Variants in TBCK observed in about 807,000 individuals in gnomAD.
TBCK encodes TBC domain-containing protein kinase-like protein.
In TBCK, 99 loss-of-function variants were observed where a neutral mutation model predicts 113.4. That is an observed-to-expected ratio of 0.87 (90% confidence interval 0.74 to 1.03). The LOEUF is 1.03. Among genes scored for constraint, TBCK ranks in the 50% least tolerant of loss-of-function variants. The pLI is 0.00. For missense variants in TBCK, 1,045 were observed against 1,061.3 expected (o/e 0.98, Z 0.21); for synonymous variants, 369 against 370.8 (o/e 1.00, Z 0.05).
At position 106,252,007 on chromosome 4, in the gene TBCK, C is replaced by T. The variant is rs1761488418; in HGVS notation, c.456G>A (p.Gly152=). 6.3e-7 allele frequency: 1 copy of T among 1,590,886 alleles called. No individual in the cohort carries two copies. Residue 152 remains glycine, a splice_region_variant and synonymous_variant, in exon 6 of 26, where the codon GGG becomes GGA. Coordinates refer to ENST00000394708, the MANE Select transcript of TBCK (RefSeq NM_001163435.3). ...AHGDDVDFPI[G]YPSYLAPEVI... ...CCTCAGGGGCCAAGTACGAGGGATA[C>T]CTGTAATGATACATTAAAATAATGA...
chr4:106,225,222 T>C (rs1758107716), intron 19 of TBCK, among the ~76,000 whole-genome samples: 2 of 152,094 alleles, frequency 1.3e-5, no homozygotes, highest in Admixed American at 6.5e-5. Context: ...ACACCTTGTC[T>C]ATTGATTTTT....
chr4:106,211,595 T>C (rs188944559), intron 20 of TBCK, among the ~76,000 whole-genome samples: 1 of 152,104 alleles, frequency 6.6e-6, no homozygotes, highest in Non-Finnish European at 1.5e-5. Flanking sequence ...TTTCTTCCCA[T>C]GCATTGTGAG....
At chr4:106,117,747 C>T (rs1743709306) in intron 23 of TBCK, among the ~76,000 whole-genome samples, 1 of 152,152 alleles carries the variant, frequency 6.6e-6, no homozygotes, top group Non-Finnish European at 1.5e-5. Flanking sequence ...CGGTGGCTCA[C>T]ACCTGTAATC....
intron 19 of TBCK, among the ~76,000 whole-genome samples, chr4:106,224,811 T>C (rs1758061738): frequency 6.6e-6 from 1 of 152,184 alleles, no homozygotes; most frequent in Non-Finnish European, 1.5e-5. Flanking sequence ...GTCCTAAGAA[T>C]GTCTTTACCT....
intron 20 of TBCK, among the ~76,000 whole-genome samples, chr4:106,207,332 C>T (rs562776031): frequency 1.3e-5 from 2 of 152,068 alleles, no homozygotes; most frequent in Non-Finnish European, 2.9e-5. Context: ...GCCTGAATTT[C>T]AATGATGAAA....
At chr4:106,094,961 C>T (rs1740738431) in intron 25 of TBCK, among the ~76,000 whole-genome samples, 1 of 152,124 alleles carries the variant, frequency 6.6e-6, no homozygotes, top group Non-Finnish European at 1.5e-5. Flanking sequence ...ATATTTTTGG[C>T]CTTCATATGC....
At chr4:106,079,509 A>G (rs1232638219) in intron 25 of TBCK, among the ~76,000 whole-genome samples, 1 of 152,216 alleles carries the variant, frequency 6.6e-6, no homozygotes, top group Non-Finnish European at 1.5e-5. Flanking sequence ...GCATTTCTAT[A>G]TATCATTAGC....
At chr4:106,156,355 C>T (rs374545255) in intron 23 of TBCK, among the ~76,000 whole-genome samples, 15 of 152,298 alleles carry the variant, frequency 9.8e-5, no homozygotes, top group African/African-American at 3.1e-4. Context: ...TCGCCCAAGG[C>T]TTGCTGTCAT....
Position 106,259,239 on chromosome 4 carries a change from CAAGTTATATATGAG to C in TBCK, c.455+1184_455+1197del, listed in dbSNP as rs1762279512. Among the ~76,000 whole-genome samples the C allele has an allele frequency of 3.3e-5, 5 of 151,104 alleles. No homozygotes were observed. The South Asian group carries it at 1.0e-3, about 32-fold the overall frequency. ...AATTTGAGTTATAAAGAAAAAAGGG[CAAGTTATATATGAG>C]GCTGGCTTTAAAAAAAAAATCAAAT... On this transcript the variant is annotated intron_variant, in intron 5 of 25. Coordinates refer to ENST00000394708, the MANE Select transcript of TBCK (RefSeq NM_001163435.3).
intron 2 of TBCK, among the ~76,000 whole-genome samples, chr4:106,307,749 C>G (rs527535711): frequency 3.9e-5 from 6 of 152,080 alleles, no homozygotes; most frequent in African/African-American, 1.2e-4. Context: ...AGAAATGCAA[C>G]CTTACCCTGC....
chr4:106,114,222 G>A (rs1743220778), intron 24 of TBCK, among the ~76,000 whole-genome samples: 1 of 152,174 alleles, frequency 6.6e-6, no homozygotes, highest in African/African-American at 2.4e-5. Context: ...GGGAAAAATT[G>A]TAGAAAGATG....
chr4:106,194,894 G>C, intron 20 of TBCK, 140 bp from the exon 21 acceptor site: 1 of 814,244 alleles, frequency 1.2e-6, no homozygotes, highest in Non-Finnish European at 1.9e-6. Flanking sequence ...AGAGAATGTA[G>C]TGTTAAGTTT....
chr4:106,162,822 G>C (rs929022236), intron 23 of TBCK, among the ~76,000 whole-genome samples: 2 of 152,086 alleles, frequency 1.3e-5, no homozygotes, highest in African/African-American at 4.8e-5. Flanking sequence ...TCTGTCCTAG[G>C]TCTCCAGGCC....
At chr4:106,155,439 CAT>C (rs1367335649) in intron 23 of TBCK, among the ~76,000 whole-genome samples, 30 of 152,248 alleles carry the variant, frequency 2.0e-4, no homozygotes, top group Non-Finnish European at 3.8e-4. Context: ...CACTCATTAA[CAT>C]CCTTTTTATT....
At chr4:106,264,602 C>A (rs7662219) in intron 3 of TBCK, among the ~76,000 whole-genome samples, 24,263 of 151,854 alleles carry the variant, frequency 0.16, 1,975 homozygotes, top group South Asian at 0.25. Flanking sequence ...ATGATTAACA[C>A]ATATTTACTG....
intron 21 of TBCK, among the ~76,000 whole-genome samples, chr4:106,194,352 T>C (rs1363854533): frequency 6.6e-6 from 1 of 152,116 alleles, no homozygotes; most frequent in African/African-American, 2.4e-5. Context: ...GCTTAATTTC[T>C]AGAGGAATCC....
intron 19 of TBCK, among the ~76,000 whole-genome samples, chr4:106,218,948 T>G (rs1436427721): frequency 1.3e-5 from 2 of 151,920 alleles, no homozygotes; most frequent in African/African-American, 4.8e-5. Flanking sequence ...TTATTCACGA[T>G]AGCAAAGACT....
intron 2 of TBCK, among the ~76,000 whole-genome samples, chr4:106,307,730 A>G (rs898563968): frequency 7.2e-5 from 11 of 152,164 alleles, no homozygotes; most frequent in African/African-American, 2.7e-4. Context: ...TGCATTTAAA[A>G]TATTTTTAAG....
intron 22 of TBCK, 125 bp from the exon 23 acceptor site, chr4:106,171,395 A>G: frequency 1.5e-6 from 1 of 664,166 alleles, no homozygotes. Context: ...ATTAGAAAAA[A>G]TGTCAGTAAA....
Sources: allele counts gnomAD v4.1 joint callset (sites outside exome capture counted in the v4.1 genomes callset), GRCh38; gene constraint gnomAD v4.1.1; transcripts MANE v1.5; gene names NCBI Gene and HGNC (gene_info 2026-07-23, HGNC 2026-07-21).